INTS1: variants seen among roughly 807,000 people sequenced by gnomAD.
The protein encoded by INTS1 is integrator complex subunit 1.
A neutral mutation model predicts 241.6 loss-of-function variants in INTS1; 137 were observed. The observed-to-expected ratio is 0.57, with a 90% confidence interval of 0.49 to 0.65. The LOEUF (loss-of-function observed/expected upper bound fraction) is 0.65, where lower values mean the gene tolerates loss of function less well. INTS1 is among the 30% of genes least tolerant of loss of function. The pLI, the probability that INTS1 is intolerant of heterozygous loss-of-function variation, is 0.00. For synonymous variants in INTS1, 1,692 were observed against 1,337.8 expected, an observed-to-expected ratio of 1.26 and a Z score of -5.78; for missense variants, 3,073 against 3,032.2, an observed-to-expected ratio of 1.01 and a Z score of -0.32.
intron 16 of INTS1, among the ~76,000 whole-genome samples, chr7:1,491,344 G>GAA (rs748894288): frequency 6.6e-6 from 1 of 152,328 alleles, no homozygotes; most frequent in East Asian, 1.9e-4. Flanking sequence ...CCTCATCAGG[G>GAA]AAAGACAGGC....
At chr7:1,491,641 C>T (rs1457916673) in intron 16 of INTS1, among the ~76,000 whole-genome samples, 1 of 152,218 alleles carries the variant, frequency 6.6e-6, no homozygotes, top group Non-Finnish European at 1.5e-5. Context: ...CTCATCACAC[C>T]TGTAACCCCA....
rs774057230 is a variant in INTS1 at position 1,477,868 on chromosome 7, T to C, written c.4699A>G (p.Thr1567Ala). 32 of 1,612,444 alleles carry C rather than the reference T, an allele frequency of 2.0e-5. No individual in the cohort carries two copies. The South Asian group carries it at 3.0e-4, about 15-fold the overall frequency. ...GGAAACGGGGAGGCAGCATCCGCAG[T>C]GGCAGAGAAGAATGCAGTCAGCAGC... ...EELLTAFFSATADAASPFPAC... is the reference protein window; with the variant it reads ...EELLTAFFSAAADAASPFPAC... Residue 1567 changes from threonine to alanine, a missense_variant, in exon 34 of 48, where the codon ACT (threonine) becomes GCT (alanine). Coordinates refer to ENST00000404767, the MANE Select transcript of INTS1 (RefSeq NM_001080453.3).
intron 40 of INTS1, 118 bp from the exon 41 acceptor site, chr7:1,474,478 C>A: frequency 8.3e-7 from 1 of 1,205,540 alleles, no homozygotes. Flanking sequence ...CCCAACCACC[C>A]TCCTGCCCTA....
Position 1,485,159 on chromosome 7 carries a change from A to G in INTS1, c.3200T>C (p.Leu1067Pro), listed in dbSNP as rs1782193393. The stretch of plus-strand genomic sequence containing the variant: ...AGGCGTGTGCTGGGACAAGTAGATC[A>G]GGTAGGCGCTGATGGTCTGGGGATC... ...ETDPQTISAYLIYLSQHTPVE... is the reference protein window; with the variant it reads ...ETDPQTISAYPIYLSQHTPVE... The change falls in exon 24 of 48, where the codon CTG becomes CCG. Residue 1067 changes from leucine (L) to proline (P), a missense_variant. Coordinates refer to ENST00000404767, the MANE Select transcript of INTS1 (RefSeq NM_001080453.3). 1 of 1,600,934 alleles carries G rather than the reference A, an allele frequency of 6.2e-7. No individual in the cohort carries two copies.
rs1334496877 is a variant in INTS1 at position 1,487,755 on chromosome 7, C to T, written c.2516+5G>A. On this transcript the variant is annotated splice_donor_5th_base_variant and intron_variant, in intron 19 of 47. Transcript: ENST00000404767. ...GCGCAGGGCGGGGCTGTGTGGGCTG[C>T]GTACTGGGGGTCCAGGCTGGTGAGC... The T allele has an allele frequency of 6.8e-6, 11 of 1,606,448 alleles. No individual in the cohort carries two copies. Among genetic ancestry groups the T allele is most frequent in the African/African-American group, 4.0e-5 (3 of 74,924 alleles).
At chr7:1,495,822 A>G (rs930022684) in intron 12 of INTS1, among the ~76,000 whole-genome samples, 4 of 152,064 alleles carry the variant, frequency 2.6e-5, no homozygotes, top group African/African-American at 9.7e-5. Context: ...CTGTGAACCC[A>G]TAATCAAACA....
At position 1,481,171 on chromosome 7, in the gene INTS1, CCTGA is replaced by C. The variant is rs1781975878; in HGVS notation, c.3850+167_3850+170del. ...GGGCAGGCCCAGGCCTCGGCTCCCT[CCTGA>C]CTGTGCCAGCCTCACCAACCCACAG... On this transcript the variant is annotated intron_variant, in intron 28 of 47. Coordinates refer to ENST00000404767, the MANE Select transcript of INTS1 (RefSeq NM_001080453.3). This position sits in a 1 kb window ranked among gnomAD's most constrained non-coding sequence, Gnocchi z 6.8. 2.2e-5 allele frequency: 18 copies of C among 834,776 alleles called. 1 individual carries two copies. Among genetic ancestry groups the C allele is most frequent in the Middle Eastern group, 2.9e-4 (1 of 3,426 alleles). The allele number at this position is 834,776 out of a possible 1,614,324, so 51.7% of individuals were successfully genotyped here.
intron 45 of INTS1, 84 bp downstream of exon 45, chr7:1,471,487 C>A: frequency 6.9e-7 from 1 of 1,439,666 alleles, no homozygotes; most frequent in East Asian, 2.3e-5. Flanking sequence ...TCAGCGCGGG[C>A]ACGCCATGTT....
chr7:1,483,460 A>C (rs867146769), intron 26 of INTS1: 14 of 513,374 alleles, frequency 2.7e-5, no homozygotes, highest in Middle Eastern at 1.1e-3. Flanking sequence ...AGGCTGGGGC[A>C]GTGAGGACTC....
In INTS1 at chr7:1,476,360, G is replaced by A. The variant is rs777387810; in HGVS notation, c.5247C>T (p.Asp1749=). The part of the protein sequence containing the change: ...ILAEAETRSQ[D]GDTAACSLIQ... ...TGAGGCTGCAGGCGGCTGTGTCCCC[G>A]TCCTGGCTCCGCGTCTCCGCCTCGG... The change falls in exon 38 of 48, where the codon GAC becomes GAT. Residue 1749 remains aspartate, a synonymous_variant. Transcript: ENST00000404767. 126 of 1,577,032 alleles carry A rather than the reference G, an allele frequency of 8.0e-5. No individual in the cohort carries two copies. The East Asian group carries it at 1.1e-3, about 14-fold the overall frequency.
chr7:1,476,468 C>T lies in INTS1; in HGVS notation c.5152-13G>A. On this transcript the variant is annotated splice_polypyrimidine_tract_variant and intron_variant, in intron 37 of 47. Coordinates refer to ENST00000404767, the MANE Select transcript of INTS1 (RefSeq NM_001080453.3). ...CCTCCCGCCGCTTCTGTAACGGGTG[C>T]CTGCATCAGCCCCGGAGCACCACCG... 3 of 1,577,778 alleles carry T rather than the reference C, an allele frequency of 1.9e-6. No individual in the cohort carries two copies. Among genetic ancestry groups the T allele is most frequent in the Non-Finnish European group, 1.7e-6 (2 of 1,165,162 alleles).
At position 1,470,880 on chromosome 7, in the gene INTS1, G is replaced by C; in HGVS notation, c.6423C>G (p.Leu2141=). The change falls in exon 47 of 48, where the codon CTC becomes CTG. Residue 2141 remains leucine, a synonymous_variant. Transcript: ENST00000404767. ...SQDFEVVQTA[L]RNLPEYALLC... is the part of the protein sequence containing the mutation. ...GGAGAGCGTACTCAGGCAGGTTCCG[G>C]AGGGCCGTCTGCACCACCTCAAAGT... 1 of 1,594,784 alleles carries C rather than the reference G, an allele frequency of 6.3e-7. No individual in the cohort carries two copies. The highest frequency in any genetic ancestry group is 1.1e-5 in the South Asian group (1 of 88,154).
intron 18 of INTS1, among the ~76,000 whole-genome samples, chr7:1,488,522 AACACACAGGCAGACAC>A (rs1261670824): frequency 1.3e-5 from 2 of 152,036 alleles, no homozygotes; most frequent in African/African-American, 4.8e-5. Flanking sequence ...CACTCCCCAC[AACACACAGGCAGACAC>A]ACACCCAGTC....
At chr7:1,502,266 G>A (rs868061271) in intron 3 of INTS1, among the ~76,000 whole-genome samples, 11 of 152,136 alleles carry the variant, frequency 7.2e-5, no homozygotes, top group Non-Finnish European at 1.6e-4. Context: ...GGGCTGGTGC[G>A]ATAGCTGCCA....
At chr7:1,498,930 G>GCCCCCCCCCCCAGCCC in intron 8 of INTS1, 45 bp downstream of exon 8, 1 of 1,460,188 alleles carries the variant, frequency 6.8e-7, no homozygotes, top group Non-Finnish European at 9.3e-7. Context: ...CACAGAGCCT[G>GCCCCCCCCCCCAGCCC]CCCCCACCCC....
rs553066980 is a variant in INTS1 at position 1,504,084 on chromosome 7, G to T, written c.-41-83C>A. 181 of 744,006 alleles carry T rather than the reference G, an allele frequency of 2.4e-4. 1 individual carries two copies. In the East Asian group the frequency reaches 5.6e-3, roughly 23 times the overall value. The allele number at this position is 744,006 out of a possible 1,614,324, so 46.1% of individuals were successfully genotyped here. ...TTCGCTCCCTTGCCGCACGGGGCTT[G>T]GGCCTGGGACCCGGGGACAGTGGTC... On this transcript the variant is annotated intron_variant, in intron 1 of 47. Coordinates refer to ENST00000404767, the MANE Select transcript of INTS1 (RefSeq NM_001080453.3).
At chr7:1,490,025 G>T (rs759091382) in intron 16 of INTS1, among the ~76,000 whole-genome samples, 3 of 152,180 alleles carry the variant, frequency 2.0e-5, no homozygotes, top group African/African-American at 7.2e-5. Flanking sequence ...TGGAATTATT[G>T]TAACGATACA....
chr7:1,477,199 C>A (rs1333562311), intron 35 of INTS1, among the ~76,000 whole-genome samples: 1 of 152,232 alleles, frequency 6.6e-6, no homozygotes, highest in East Asian at 1.9e-4. Flanking sequence ...GGGAGCCCAG[C>A]ACCTGCCCTC....
chr7:1,499,413 C>T (rs2128544565), intron 6 of INTS1, 53 bp from the exon 7 acceptor site: 1 of 1,546,694 alleles, frequency 6.5e-7, no homozygotes, highest in Non-Finnish European at 8.8e-7. Flanking sequence ...CCCATCCTCC[C>T]ACCCCTCCCC....
Sources: gnomAD v4.1 joint callset for allele counts (sites outside exome capture counted in the v4.1 genomes callset) on GRCh38, gnomAD v4.1.1 for gene constraint, Gnocchi (gnomAD v3.1) non-coding constraint, MANE v1.5 for transcripts, NCBI Gene and HGNC (gene_info 2026-07-23, HGNC 2026-07-21) for gene names.